The following STK26 variants were observed in gnomAD, a reference collection of about 807,000 sequenced individuals.
The protein encoded by STK26 is serine/threonine kinase 26, also known as serine/threonine-protein kinase 26.
In STK26, 14 loss-of-function variants were observed where a neutral mutation model predicts 34.7. The ratio of observed to expected loss-of-function variants is 0.40; its 90% confidence interval spans 0.27 to 0.63. STK26 has a LOEUF of 0.63. Among genes scored for constraint, STK26 ranks in the 30% least tolerant of loss-of-function variants. The probability of loss-of-function intolerance (pLI) is 0.38; values close to 1 mark genes in which losing one functional copy is unlikely to be tolerated. For synonymous variants in STK26, 100 were observed against 109.8 expected, an observed-to-expected ratio of 0.91 and a Z score of 0.56; for missense variants, 226 against 309.1, an observed-to-expected ratio of 0.73 and a Z score of 2.02.
At chrX:132,046,722 GC>G (rs948321224) in intron 2 of STK26, among the ~76,000 whole-genome samples, 1 of 111,336 alleles carries the variant, frequency 9.0e-6, no homozygotes, top group African/African-American at 3.3e-5. Flanking sequence ...TCTCAAAACT[GC>G]CGTTTAAGTA....
intron 2 of STK26, among the ~76,000 whole-genome samples, chrX:132,051,286 AAC>A (rs925127367): frequency 2.7e-5 from 3 of 111,887 alleles, no homozygotes; most frequent in African/African-American, 9.7e-5. Flanking sequence ...TTAAATTTCT[AAC>A]AGTGTACTTA....
At chrX:132,060,739 C>A (rs946813085) in intron 3 of STK26, among the ~76,000 whole-genome samples, 2 of 109,172 alleles carry the variant, frequency 1.8e-5, no homozygotes, top group Non-Finnish European at 3.8e-5. Context: ...CCTCAGCCTC[C>A]CGAGTAGCTG....
chrX:132,045,016 A>G (rs1281518250), intron 2 of STK26, among the ~76,000 whole-genome samples: 3 of 107,413 alleles, frequency 2.8e-5, no homozygotes, highest in Non-Finnish European at 5.8e-5. Flanking sequence ...TAGGTCCTGT[A>G]TGAGCTGAAC....
chrX:132,059,583 A>C (rs2124177746), intron 3 of STK26, among the ~76,000 whole-genome samples: 1 of 111,960 alleles, frequency 8.9e-6, no homozygotes, highest in East Asian at 2.8e-4. Context: ...TAAAATAAGC[A>C]AACCCTTCCC....
chrX:132,034,651 A>AT (rs1925981054), intron 2 of STK26, among the ~76,000 whole-genome samples: 1 of 110,904 alleles, frequency 9.0e-6, no homozygotes, highest in African/African-American at 3.3e-5. Context: ...TTTATTTTTT[A>AT]TTTTTTTAGC....
chrX:132,057,101 G>A (rs1453299360), intron 3 of STK26, among the ~76,000 whole-genome samples: 4 of 112,379 alleles, frequency 3.6e-5, no homozygotes, highest in Admixed American at 2.8e-4. Context: ...CAGTGAAGAC[G>A]CAGAATCTGG....
intron 2 of STK26, among the ~76,000 whole-genome samples, chrX:132,026,165 C>T (rs1733321666): frequency 8.9e-6 from 1 of 112,032 alleles, no homozygotes; most frequent in Non-Finnish European, 1.9e-5. Flanking sequence ...AGTAGAAGCC[C>T]AGCTACCTGT....
At chrX:132,071,319 A>G (rs1432376846) in intron 8 of STK26, 102 bp downstream of exon 8, 2 of 937,792 alleles carry the variant, frequency 2.1e-6, no homozygotes, top group Non-Finnish European at 3.0e-6. Flanking sequence ...AATATAAACC[A>G]TATTTTGAAA....
At chrX:132,070,794 A>G (rs1927388040) in intron 7 of STK26, among the ~76,000 whole-genome samples, 1 of 112,809 alleles carries the variant, frequency 8.9e-6, no homozygotes, top group Non-Finnish European at 1.9e-5. Flanking sequence ...TGCTTTTGAG[A>G]AGGCCCTGCC....
rs759091426 is a variant in STK26, at chrX:132,069,680, AT to A, written c.783+19del. ...CCATCATTTGTGAGTATATATTGCT[AT>A]TATTACTATTTGTTTTCTATTATTA... On this transcript the variant is annotated intron_variant, in intron 7 of 11. Coordinates refer to ENST00000394334, the MANE Select transcript of STK26 (RefSeq NM_016542.4). 20 of 997,242 alleles carry A rather than the reference AT, an allele frequency of 2.0e-5. No individual in the cohort carries two copies. Among genetic ancestry groups the A allele is most frequent in the Non-Finnish European group, 2.5e-5 (19 of 771,753 alleles). The allele number at this position is 997,242 out of a possible 1,213,427, so 82.2% of individuals were successfully genotyped here.
intron 2 of STK26, among the ~76,000 whole-genome samples, chrX:132,052,989 T>C (rs1452347092): frequency 4.5e-5 from 5 of 112,039 alleles, no homozygotes; most frequent in African/African-American, 1.6e-4. Flanking sequence ...TAACTGTGGG[T>C]TAGCCACTAT....
At chrX:132,030,197 C>T (rs184758690) in intron 2 of STK26, among the ~76,000 whole-genome samples, 1 of 111,965 alleles carries the variant, frequency 8.9e-6, no homozygotes, top group East Asian at 2.8e-4. Flanking sequence ...TGTCCACACA[C>T]ACTGAAGCTT....
chrX:132,065,266 A>G (rs1346690528), intron 4 of STK26, among the ~76,000 whole-genome samples: 1 of 111,963 alleles, frequency 8.9e-6, no homozygotes, highest in African/African-American at 3.2e-5. Context: ...ACAGAGTCAT[A>G]TTATTCAATA....
chrX:132,063,760 C>A (rs972444577), intron 4 of STK26, among the ~76,000 whole-genome samples: 20 of 111,785 alleles, frequency 1.8e-4, no homozygotes, highest in African/African-American at 6.5e-4. Flanking sequence ...ATGTGTGTAT[C>A]CATTGCTGTC....
intron 2 of STK26, among the ~76,000 whole-genome samples, chrX:132,044,621 T>C (rs957524219): frequency 8.2e-5 from 7 of 85,726 alleles, no homozygotes; most frequent in South Asian, 6.8e-4. Context: ...TCACTGGATG[T>C]TCAAATTCTC....
intron 2 of STK26, among the ~76,000 whole-genome samples, chrX:132,047,698 C>A (rs1440759226): frequency 1.8e-5 from 2 of 111,635 alleles, no homozygotes; most frequent in African/African-American, 6.5e-5. Context: ...ACTTATGAAT[C>A]ATTTTTCTTT....
intron 2 of STK26, among the ~76,000 whole-genome samples, chrX:132,032,097 AG>A (rs1427489065): frequency 5.4e-5 from 6 of 111,608 alleles, no homozygotes; most frequent in African/African-American, 2.0e-4. Context: ...ATAGAGCTAC[AG>A]GATGCATCTA....
chrX:132,061,634 T>C (rs1331354788), intron 3 of STK26, among the ~76,000 whole-genome samples: 1 of 111,625 alleles, frequency 9.0e-6, no homozygotes, highest in Non-Finnish European at 1.9e-5. Flanking sequence ...AGGAGAATCA[T>C]TTTGTCTTAA....
intron 3 of STK26, among the ~76,000 whole-genome samples, chrX:132,057,766 T>C (rs1926907884): frequency 8.9e-6 from 1 of 112,063 alleles, no homozygotes; most frequent in South Asian, 3.7e-4. Flanking sequence ...GAATGAATCA[T>C]TAAGCAGCCA....
Sources: gnomAD v4.1 joint callset for allele counts (sites outside exome capture counted in the v4.1 genomes callset) on GRCh38, gnomAD v4.1.1 for gene constraint, MANE v1.5 for transcripts, NCBI Gene and HGNC (gene_info 2026-07-23, HGNC 2026-07-21) for gene names.